UNC13C: variants seen among roughly 807,000 people sequenced by gnomAD.
UNC13C encodes protein unc-13 homolog C.
UNC13C carries 174 observed loss-of-function variants against 245.4 expected under a neutral mutation model. The observed-to-expected ratio is 0.71, with a 90% confidence interval of 0.63 to 0.80. The LOEUF is 0.80. UNC13C is among the 30% of genes least tolerant of loss of function. UNC13C has a pLI of 0.00. For missense variants in UNC13C, 2,829 were observed against 2,602.9 expected (o/e 1.09, Z -1.89); for synonymous variants, 992 against 895.1 (o/e 1.11, Z -1.93).
At chr15:54,250,080 C>T (rs950064783) in intron 7 of UNC13C, 145 bp from the exon 8 acceptor site, 3 of 738,018 alleles carry the variant, frequency 4.1e-6, no homozygotes, top group Non-Finnish European at 6.9e-6. Context: ...ATTATGCTTA[C>T]TGTCATCATG....
At chr15:54,362,842 C>T (rs899416016) in intron 17 of UNC13C, among the ~76,000 whole-genome samples, 3 of 152,110 alleles carry the variant, frequency 2.0e-5, no homozygotes, top group African/African-American at 7.2e-5. Flanking sequence ...AGGAGGCTCA[C>T]ATAATCCATT....
intron 23 of UNC13C, among the ~76,000 whole-genome samples, chr15:54,510,162 A>G (rs1375773019): frequency 6.6e-6 from 1 of 152,194 alleles, no homozygotes; most frequent in Non-Finnish European, 1.5e-5. Flanking sequence ...TAGACATGGG[A>G]AACAAGGTGA....
At chr15:54,240,000 G>C (rs1399599478) in intron 7 of UNC13C, among the ~76,000 whole-genome samples, 2 of 152,246 alleles carry the variant, frequency 1.3e-5, no homozygotes, top group South Asian at 2.1e-4. Context: ...CAATTCATTT[G>C]ACAAGTTAAC....
chr15:54,305,839 A>T (rs1783939149), intron 13 of UNC13C, among the ~76,000 whole-genome samples: 1 of 152,032 alleles, frequency 6.6e-6, no homozygotes. Context: ...CCTAGACACT[A>T]TTTGATCAAA....
chr15:53,845,834 G>T, the UNC13C span, among the ~76,000 whole-genome samples: 22 of 152,066 alleles, frequency 1.4e-4, no homozygotes, highest in Non-Finnish European at 2.4e-4. Flanking sequence ...ATTGACACTT[G>T]CAGGCAGCAT....
rs765571245 is a variant in UNC13C at position 54,015,417 on chromosome 15, A to G, written c.2514A>G (p.Gln838=). 2 of 1,613,606 alleles carry G rather than the reference A, an allele frequency of 1.2e-6. No individual in the cohort carries two copies. The highest frequency in any genetic ancestry group is 1.7e-6 in the Non-Finnish European group (2 of 1,179,832). The change falls in exon 2 of 33, where the codon CAA becomes CAG. Residue 838 remains glutamine, a synonymous_variant. Transcript: ENST00000260323. ...TGGGGAGATTTCGGACATTATCTCA[A>G]TCAACTGCAAATGAGTCAAGTACCA... is the stretch of plus-strand genomic sequence containing the variant. ...SLMGRFRTLS[Q]STANESSTTL... is the part of the protein sequence containing the mutation.
At chr15:54,383,514 T>C (rs1430696307) in intron 17 of UNC13C, among the ~76,000 whole-genome samples, 10 of 152,056 alleles carry the variant, frequency 6.6e-5, no homozygotes, top group South Asian at 2.1e-4. Context: ...AGAAATATCA[T>C]ACCTCAAAAT....
At chr15:54,108,656 T>A (rs774031709) in intron 2 of UNC13C, among the ~76,000 whole-genome samples, 53 of 152,224 alleles carry the variant, frequency 3.5e-4, no homozygotes, top group Non-Finnish European at 5.6e-4. Flanking sequence ...CCTCCAGTGC[T>A]AGATAAGGAC....
intron 19 of UNC13C, among the ~76,000 whole-genome samples, chr15:54,482,795 A>G (rs952225084): frequency 3.3e-5 from 5 of 152,088 alleles, no homozygotes; most frequent in African/African-American, 9.7e-5. Context: ...AGCAGTGTAT[A>G]TTTTACTTTT....
At chr15:54,133,627 A>G (rs1157099855) in intron 2 of UNC13C, among the ~76,000 whole-genome samples, 2 of 152,274 alleles carry the variant, frequency 1.3e-5, no homozygotes, top group South Asian at 4.1e-4. Context: ...GACTAGGAAC[A>G]TTGGGAGCAG....
the UNC13C span, among the ~76,000 whole-genome samples, chr15:53,876,243 ATC>A: frequency 6.6e-6 from 1 of 152,208 alleles, no homozygotes; most frequent in Admixed American, 6.5e-5. Flanking sequence ...ATTCACTGGT[ATC>A]TCTGGTTTTC....
intron 4 of UNC13C, among the ~76,000 whole-genome samples, chr15:54,232,711 A>T (rs2035585906): frequency 6.6e-6 from 1 of 152,174 alleles, no homozygotes; most frequent in Non-Finnish European, 1.5e-5. Context: ...ATTTCAAAAT[A>T]CTTGAAGGTT....
chr15:53,894,947 A>G, the UNC13C span, among the ~76,000 whole-genome samples: 73 of 152,290 alleles, frequency 4.8e-4, no homozygotes, highest in East Asian at 0.013. Flanking sequence ...TGTTCCACAT[A>G]GTATTATATT....
At chr15:54,054,809 TA>T (rs1897434439) in intron 2 of UNC13C, among the ~76,000 whole-genome samples, 1 of 147,702 alleles carries the variant, frequency 6.8e-6, no homozygotes. Flanking sequence ...TTTTTGTTTT[TA>T]TTTTTTTTTG....
At chr15:54,447,450 G>A (rs905522478) in intron 19 of UNC13C, among the ~76,000 whole-genome samples, 1 of 152,012 alleles carries the variant, frequency 6.6e-6, no homozygotes, top group Non-Finnish European at 1.5e-5. Flanking sequence ...CAATTTCAGA[G>A]CCTGTTATTG....
At chr15:54,077,431 T>TGCTTTGGC (rs2141111046) in intron 2 of UNC13C, among the ~76,000 whole-genome samples, 1 of 127,032 alleles carries the variant, frequency 7.9e-6, no homozygotes, top group South Asian at 2.9e-4. Context: ...CAGGCTGGAG[T>TGCTTTGGC]GCTTTGGCAT....
chr15:54,441,925 TA>T (rs1255870362), intron 19 of UNC13C, among the ~76,000 whole-genome samples: 4 of 152,042 alleles, frequency 2.6e-5, no homozygotes, highest in South Asian at 2.1e-4. Context: ...TATTCTTAGG[TA>T]TTTTTTTGTA....
intron 28 of UNC13C, among the ~76,000 whole-genome samples, chr15:54,553,336 TTG>T (rs1468401730): frequency 8.3e-6 from 1 of 120,866 alleles, no homozygotes; most frequent in Non-Finnish European, 1.6e-5. Context: ...TAATATATAA[TTG>T]AATATATTGT....
chr15:54,284,036 C>T (rs1346875351), intron 10 of UNC13C, among the ~76,000 whole-genome samples: 2 of 152,164 alleles, frequency 1.3e-5, no homozygotes, highest in East Asian at 3.8e-4. Flanking sequence ...GACACTGTTC[C>T]AGTCCCTTTA....
Sources: gnomAD v4.1 joint callset for allele counts (sites outside exome capture counted in the v4.1 genomes callset) on GRCh38, gnomAD v4.1.1 for gene constraint, MANE v1.5 for transcripts, NCBI Gene and HGNC (gene_info 2026-07-23, HGNC 2026-07-21) for gene names.